The following AZI2 variants were observed in gnomAD, a reference collection of about 807,000 sequenced individuals.
AZI2 encodes 5-azacytidine-induced protein 2.
AZI2 carries 22 observed loss-of-function variants against 45.8 expected under a neutral mutation model. The observed-to-expected ratio is 0.48, with a 90% CI of 0.34 to 0.69. The LOEUF (loss-of-function observed/expected upper bound fraction) is 0.69, where lower values mean the gene tolerates loss of function less well. AZI2 is among the 30% of genes least tolerant of loss of function. AZI2 has a pLI of 0.01. For synonymous variants in AZI2, 137 were observed against 156.7 expected, an observed-to-expected ratio of 0.87 and a Z score of 0.94; for missense variants, 417 against 441.5, an observed-to-expected ratio of 0.94 and a Z score of 0.50.
intron 7 of AZI2, among the ~76,000 whole-genome samples, chr3:28,325,378 G>A (rs768922873): frequency 1.3e-5 from 2 of 151,008 alleles, no homozygotes; most frequent in South Asian, 4.1e-4. Flanking sequence ...TATAAAATAA[G>A]TTCATTGTTT....
In AZI2 at chr3:28,326,858, A is replaced by G. The variant is rs771766684; in HGVS notation, c.740T>C (p.Leu247Pro). Reference sequence around the variant, plus strand: ...TTTCTTGATTGCAGTTGAGGTTTTCAGTTTTCTTAGTAGTTCAGCTTGTAC... The same window carrying G: ...TTTCTTGATTGCAGTTGAGGTTTTCGGTTTTCTTAGTAGTTCAGCTTGTAC... ...TQVQAELLRK[L>P]KTSTAIKKAC... The change falls in exon 7 of 8, where the codon CTG becomes CCG. Residue 247 changes from leucine (L) to proline (P), a missense_variant. Leu to Pro is a moderately conservative substitution (Grantham distance 98, BLOSUM62 -3). Coordinates refer to ENST00000479665, the MANE Select transcript of AZI2 (RefSeq NM_022461.5). 1.2e-6 allele frequency: 2 copies of G among 1,608,438 alleles called. No homozygotes were observed. The highest frequency in any genetic ancestry group is 1.7e-6 in the Non-Finnish European group (2 of 1,175,858).
chr3:28,330,768 A>G (rs766751469), intron 6 of AZI2, among the ~76,000 whole-genome samples: 5 of 151,426 alleles, frequency 3.3e-5, no homozygotes, highest in African/African-American at 7.3e-5. Context: ...CCACAAGTGT[A>G]TATGAGCACT....
chr3:28,341,517 T>C (rs951480664), intron 1 of AZI2: 3 of 152,074 alleles, frequency 2.0e-5, no homozygotes, highest in African/African-American at 7.2e-5. Context: ...GTTACCTTCA[T>C]TGTTTAACGA....
intron 7 of AZI2, among the ~76,000 whole-genome samples, chr3:28,326,149 T>C (rs1318289927): frequency 1.3e-5 from 2 of 151,176 alleles, no homozygotes; most frequent in Non-Finnish European, 3.0e-5. Context: ...ATACCTGTTA[T>C]GTAATACTAG....
chr3:28,345,702 G>A (rs1197136281), intron 1 of AZI2, among the ~76,000 whole-genome samples: 2 of 152,032 alleles, frequency 1.3e-5, no homozygotes, highest in Non-Finnish European at 2.9e-5. Flanking sequence ...TTATTTATTA[G>A]AATTATTTTA....
In AZI2 at chr3:28,326,845, AGTT is replaced by A. The variant is rs753332833; in HGVS notation, c.750_752del (p.Thr251del). 2 of 1,606,930 alleles carry A rather than the reference AGTT, an allele frequency of 1.2e-6. No homozygotes were observed. The highest frequency in any genetic ancestry group is 1.7e-6 in the Non-Finnish European group (2 of 1,174,530). On this transcript the variant is annotated inframe_deletion, in exon 7 of 8. Transcript: ENST00000479665. ...ACAGTGACTTGCCTTTCTTGATTGC[AGTT>A]GAGGTTTTCAGTTTTCTTAGTAGTT...
At chr3:28,329,245 T>C (rs767052127) in intron 6 of AZI2, among the ~76,000 whole-genome samples, 37 of 151,166 alleles carry the variant, frequency 2.4e-4, no homozygotes, top group Middle Eastern at 3.2e-3. Flanking sequence ...GTGAGTAACC[T>C]CATTTTACAC....
chr3:28,326,910 T>C lies in AZI2; in HGVS notation c.688A>G (p.Met230Val), dbSNP rs1438803285. The C allele has an allele frequency of 6.2e-7, 1 of 1,608,268 alleles. No homozygotes were observed. The highest frequency in any genetic ancestry group is 2.2e-5 in the East Asian group (1 of 44,728). The change falls in exon 7 of 8, where the codon ATG (methionine) becomes GTG (valine). Residue 230 changes from methionine to valine, a missense_variant. Transcript: ENST00000479665. Reference protein sequence around the residue: ...QHAYWELKREMSNLHLVTQVQ... With the variant: ...QHAYWELKREVSNLHLVTQVQ... Reference sequence around the variant, plus strand: ...TGAGTCACCAGATGTAAATTAGACATTTCTCTCTTCAGTTCCCAGTATGCA... The same window carrying C: ...TGAGTCACCAGATGTAAATTAGACACTTCTCTCTTCAGTTCCCAGTATGCA...
At position 28,321,792 on chromosome 3, in the gene AZI2, C is replaced by CAGTA. The variant is rs536718220; in HGVS notation, c.*2246_*2249dup. ...ATTCAGTTCCATTTTGGCAGCAACT[C>CAGTA]AGTAAGTCTTACAGATGTAAATTTT... On this transcript the variant is annotated 3_prime_UTR_variant, in exon 8 of 8. Transcript: ENST00000479665. 3.0e-4 allele frequency: 45 copies of CAGTA among 151,408 alleles called. No individual in the cohort carries two copies. The highest frequency in any genetic ancestry group is 1.1e-3 in the African/African-American group (45 of 41,462). The allele number at this position is 151,408 out of a possible 1,614,324, so 9.4% of individuals were successfully genotyped here.
rs969532781 is a variant in AZI2, at chr3:28,323,377, T to G, written c.*665A>C. 1.2e-4 allele frequency: 18 copies of G among 148,266 alleles called. No homozygotes were observed. The highest frequency in any genetic ancestry group is 2.3e-4 in the Non-Finnish European group (15 of 66,188). 9.2% of individuals were successfully genotyped at this position (148,266 alleles called of 1,614,324 possible). On this transcript the variant is annotated 3_prime_UTR_variant, in exon 8 of 8. Transcript: ENST00000479665. ...TCATTTTTTTTTTTTTTTTTCCCAA[T>G]TAGGACTTAAGGAATGTGCTGGGAC...
intron 6 of AZI2, among the ~76,000 whole-genome samples, chr3:28,329,990 G>A (rs935728449): frequency 2.0e-5 from 3 of 151,246 alleles, no homozygotes; most frequent in African/African-American, 7.3e-5. Flanking sequence ...AGAAGAGCCT[G>A]ATAAACACTA....
chr3:28,324,258 G>A lies in AZI2; in HGVS notation c.963C>T (p.Asp321=). The change falls in exon 8 of 8, where the codon GAC becomes GAT. Residue 321 remains aspartate, a synonymous_variant. Transcript: ENST00000479665. ...SEKAILQSWT[D]NERSIPNDGT... is the part of the protein sequence containing the mutation. ...CATCATTAGGAATGGATCTCTCATT[G>A]TCTGTCCATGATTGGAGGATTGCTT... 1 of 1,609,950 alleles carries A rather than the reference G, an allele frequency of 6.2e-7. No homozygotes were observed. Among genetic ancestry groups the A allele is most frequent in the Non-Finnish European group, 8.5e-7 (1 of 1,177,266 alleles).
In AZI2 at chr3:28,324,216, T is replaced by C. The variant is rs1456973141; in HGVS notation, c.1005A>G (p.Glu335=). The C allele has an allele frequency of 6.2e-7, 1 of 1,610,526 alleles. No individual in the cohort carries two copies. The highest frequency in any genetic ancestry group is 1.3e-5 in the African/African-American group (1 of 74,598). The change falls in exon 8 of 8, where the codon GAA becomes GAG. Residue 335 remains glutamate (E), a synonymous_variant. Coordinates refer to ENST00000479665, the MANE Select transcript of AZI2 (RefSeq NM_022461.5). ...GAGAATTTCTGCCATAAGAACTGTG[T>C]TCCTGAAAGCATGTACCATCATTAG... ...SIPNDGTCFQ[E]HSSYGRNSLE...
intron 6 of AZI2, among the ~76,000 whole-genome samples, chr3:28,329,526 G>T (rs1272562686): frequency 6.6e-6 from 1 of 151,212 alleles, no homozygotes; most frequent in African/African-American, 2.4e-5. Flanking sequence ...CTTACAAAGT[G>T]TAACAGCTAA....
chr3:28,329,621 T>C (rs1201163739), intron 6 of AZI2, among the ~76,000 whole-genome samples: 1 of 151,314 alleles, frequency 6.6e-6, no homozygotes, highest in East Asian at 1.9e-4. Context: ...ATCCACTTAC[T>C]TGAGTTTCTA....
intron 6 of AZI2, 36 bp downstream of exon 6, chr3:28,332,333 A>AC: frequency 6.4e-7 from 1 of 1,560,308 alleles, no homozygotes; most frequent in Non-Finnish European, 8.8e-7. Context: ...ATGGAAGAAG[A>AC]CAACGTATTG....
intron 1 of AZI2, among the ~76,000 whole-genome samples, chr3:28,345,056 A>C (rs1420072674): frequency 6.6e-6 from 1 of 152,148 alleles, no homozygotes; most frequent in Non-Finnish European, 1.5e-5. Context: ...GTGTTTGACA[A>C]AGGTGTGGAC....
chr3:28,321,076 T>A lies in AZI2; in HGVS notation c.*2966A>T, dbSNP rs1703173291. The A allele has an allele frequency of 6.6e-6, 1 of 151,374 alleles. No individual in the cohort carries two copies. The highest frequency in any genetic ancestry group is 6.6e-5 in the Admixed American group (1 of 15,120). 9.4% of individuals were successfully genotyped at this position (151,374 alleles called of 1,614,324 possible). A position where few individuals can be genotyped will look rare whatever the true frequency, so the allele number is the denominator to read the frequency against. The stretch of plus-strand genomic sequence containing the variant: ...CTCTTGAGTGAACCACTCAAAAAAC[T>A]ATTTTACTTTTATTTGAAATACAAA... On this transcript the variant is annotated 3_prime_UTR_variant, in exon 8 of 8. Transcript: ENST00000479665.
rs188612515 is a variant in AZI2 at position 28,325,781 on chromosome 3, T to G, written c.766+1051A>C. Among the ~76,000 whole-genome samples the G allele has an allele frequency of 4.6e-5, 7 of 151,110 alleles. No homozygotes were observed. The Admixed American group carries it at 4.6e-4, about 10-fold the overall frequency. On this transcript the variant is annotated intron_variant, in intron 7 of 7. Transcript: ENST00000479665. ...TCTTATTTGTACATTCAACCTTTGG[T>G]CTCATATATAACTCTGACCACTGGA...
Sources: gnomAD v4.1 joint callset for allele counts (sites outside exome capture counted in the v4.1 genomes callset) on GRCh38, gnomAD v4.1.1 for gene constraint, MANE v1.5 for transcripts, NCBI Gene and HGNC (gene_info 2026-07-23, HGNC 2026-07-21) for gene names.